REPS2: variants seen among roughly 807,000 people sequenced by gnomAD.
REPS2 encodes the protein ralBP1-associated Eps domain-containing protein 2.
A neutral mutation model predicts 53.6 loss-of-function variants in REPS2; 23 were observed. That is an observed-to-expected ratio of 0.43 (90% CI 0.31 to 0.61). The LOEUF is 0.61. Among genes scored for constraint, REPS2 ranks in the 20% least tolerant of loss-of-function variants. The pLI is 0.11. For synonymous variants in REPS2, 238 were observed against 218.6 expected (o/e 1.09, Z -0.78); for missense variants, 446 against 534.9 (o/e 0.83, Z 1.64).
chrX:16,968,736 G>A (rs1184528080), intron 1 of REPS2, among the ~76,000 whole-genome samples: 5 of 98,401 alleles, frequency 5.1e-5, no homozygotes, highest in South Asian at 5.2e-4. Flanking sequence ...GCGGCCGGCC[G>A]GGCAGAGGGG....
At chrX:17,117,284 A>G (rs968028987) in intron 14 of REPS2, among the ~76,000 whole-genome samples, 4 of 111,440 alleles carry the variant, frequency 3.6e-5, no homozygotes, top group South Asian at 3.8e-4. Flanking sequence ...ATTTTTTATT[A>G]TTATTATACT....
chrX:17,149,113 A>G lies in REPS2; in HGVS notation c.*1632A>G. 1 of 263,815 alleles carries G rather than the reference A, an allele frequency of 3.8e-6. No homozygotes were observed. Among genetic ancestry groups the G allele is most frequent in the East Asian group, 9.5e-5 (1 of 10,535 alleles). 21.7% of individuals were successfully genotyped at this position (263,815 alleles called of 1,213,427 possible). ...ATTTAAGGATTTTGAATTGATTTTGAAAATCATGAAACTTGAACTATTTTT... is the reference window on the plus strand; with the variant it reads ...ATTTAAGGATTTTGAATTGATTTTGGAAATCATGAAACTTGAACTATTTTT... On this transcript the variant is annotated 3_prime_UTR_variant, in exon 18 of 18. Coordinates refer to ENST00000357277, the MANE Select transcript of REPS2 (RefSeq NM_004726.3).
intron 1 of REPS2, among the ~76,000 whole-genome samples, chrX:16,950,216 T>G (rs1052575507): frequency 2.7e-5 from 3 of 111,976 alleles, no homozygotes; most frequent in Non-Finnish European, 5.6e-5. Flanking sequence ...GTTTGGTGGC[T>G]CATTTCTTTA....
At position 16,997,878 on chromosome X, in the gene REPS2, T is replaced by C. The variant is rs182418711; in HGVS notation, c.274-8343T>C. Among the ~76,000 whole-genome samples the C allele has an allele frequency of 1.3e-4, 14 of 111,769 alleles. No individual in the cohort carries two copies. In the East Asian group the frequency reaches 3.9e-3, roughly 31 times the overall value. On this transcript the variant is annotated intron_variant, in intron 1 of 17. Transcript: ENST00000357277. The stretch of plus-strand genomic sequence containing the variant: ...AGTATAGAATTTCTTTGAATTCTCA[T>C]CTTTAAGAACCATGCTCAGCTGGGC...
Position 16,946,753 on chromosome X carries a change from T to TGGCGGCGGCGGCGGTGGCGGCGGCGGC in REPS2, c.-95_-94insTGGCGGCGGCGGCGGCGGCGGCGGCGG, listed in dbSNP as rs2060432880. The TGGCGGCGGCGGCGGTGGCGGCGGCGGC allele has an allele frequency of 1.4e-6, 1 of 713,702 alleles. No homozygotes were observed. Among genetic ancestry groups the TGGCGGCGGCGGCGGTGGCGGCGGCGGC allele is most frequent in the African/African-American group, 2.7e-5 (1 of 37,103 alleles). 58.8% of individuals were successfully genotyped at this position (713,702 alleles called of 1,213,427 possible). ...GGGGTGGTGGTGGCGGCGGCGGTGG[T>TGGCGGCGGCGGCGGTGGCGGCGGCGGC]GGCGGCGGCGGCGGCGGCGGCAGCT... On this transcript the variant is annotated 5_prime_UTR_variant, in exon 1 of 18. Transcript: ENST00000357277.
chrX:17,086,556 A>G (rs111874149), intron 13 of REPS2, among the ~76,000 whole-genome samples: 2,787 of 112,302 alleles, frequency 0.025, 92 homozygotes, highest in African/African-American at 0.087. Flanking sequence ...TTTGGAACAG[A>G]TGCACACAGT....
At chrX:17,129,521 T>C (rs1406809248) in intron 14 of REPS2, among the ~76,000 whole-genome samples, 4 of 111,953 alleles carry the variant, frequency 3.6e-5, no homozygotes, top group African/African-American at 9.7e-5. Context: ...ATTTAGGGGA[T>C]TGATGGTCAG....
the REPS2 span, among the ~76,000 whole-genome samples, chrX:17,166,529 A>T: frequency 8.9e-6 from 1 of 112,552 alleles, no homozygotes; most frequent in African/African-American, 3.2e-5. Flanking sequence ...CATCTGCAGC[A>T]CTTGTAGTCA....
rs2060431237 is a variant in REPS2, at chrX:16,946,732, T to TGGTGGTGGCGGC, written c.-127_-116dup. ...GCGCGGCAGCTGCGGGGCGTGGGGG[T>TGGTGGTGGCGGC]GGTGGTGGCGGCGGCGGTGGTGGCG... On this transcript the variant is annotated 5_prime_UTR_variant, in exon 1 of 18. Coordinates refer to ENST00000357277, the MANE Select transcript of REPS2 (RefSeq NM_004726.3). The TGGTGGTGGCGGC allele has an allele frequency of 1.6e-6, 1 of 612,681 alleles. No homozygotes were observed. The highest frequency in any genetic ancestry group is 1.9e-6 in the Non-Finnish European group (1 of 524,821). The allele number at this position is 612,681 out of a possible 1,213,427, so 50.5% of individuals were successfully genotyped here.
intron 1 of REPS2, among the ~76,000 whole-genome samples, chrX:16,966,771 C>T (rs2060775251): frequency 8.9e-6 from 1 of 112,466 alleles, no homozygotes; most frequent in Non-Finnish European, 1.9e-5. Context: ...CTGTTGGAGT[C>T]AGTATAGATA....
chrX:17,147,196 G>A (rs1326783685), intron 17 of REPS2, among the ~76,000 whole-genome samples: 5 of 111,439 alleles, frequency 4.5e-5, no homozygotes, highest in African/African-American at 9.8e-5. Flanking sequence ...ATTTCATCAC[G>A]TTCAGAAAGG....
intron 14 of REPS2, among the ~76,000 whole-genome samples, chrX:17,117,266 T>G (rs1275209808): frequency 8.9e-6 from 1 of 111,908 alleles, no homozygotes; most frequent in Non-Finnish European, 1.9e-5. Flanking sequence ...GGACATTTAT[T>G]TATTTTTATT....
chrX:17,051,599 A>G (rs1315115560), intron 6 of REPS2, among the ~76,000 whole-genome samples: 1 of 112,404 alleles, frequency 8.9e-6, no homozygotes, highest in Non-Finnish European at 1.9e-5. Context: ...GTTGATAGGC[A>G]TATGGTGTTC....
At chrX:16,973,347 A>G (rs989152663) in intron 1 of REPS2, among the ~76,000 whole-genome samples, 23 of 111,660 alleles carry the variant, frequency 2.1e-4, no homozygotes, top group East Asian at 8.3e-4. Context: ...GACTAGGCAG[A>G]TATCCTATTT....
At chrX:17,056,096 T>C (rs1313669972) in intron 8 of REPS2, among the ~76,000 whole-genome samples, 1 of 112,523 alleles carries the variant, frequency 8.9e-6, no homozygotes, top group African/African-American at 3.2e-5. Flanking sequence ...TATTTACAGT[T>C]ATTGTTCTTT....
At chrX:17,124,343 T>A (rs1263650930) in intron 14 of REPS2, among the ~76,000 whole-genome samples, 1 of 112,433 alleles carries the variant, frequency 8.9e-6, no homozygotes, top group Non-Finnish European at 1.9e-5. Flanking sequence ...GCAAGACAGA[T>A]CCTGCCCTCC....
intron 1 of REPS2, among the ~76,000 whole-genome samples, chrX:16,990,136 T>C (rs2061144147): frequency 1.8e-5 from 2 of 112,217 alleles, no homozygotes; most frequent in Non-Finnish European, 3.8e-5. Flanking sequence ...CATGCAATGA[T>C]CTGGATGGAT....
chrX:17,119,384 C>G (rs1490467062), intron 14 of REPS2, among the ~76,000 whole-genome samples: 1 of 112,398 alleles, frequency 8.9e-6, no homozygotes, highest in Admixed American at 9.4e-5. Flanking sequence ...GACTTGTTTT[C>G]TTTCTTAGGT....
At chrX:16,964,558 C>T (rs1297848699) in intron 1 of REPS2, among the ~76,000 whole-genome samples, 14 of 110,227 alleles carry the variant, frequency 1.3e-4, no homozygotes, top group Non-Finnish European at 1.9e-4. Context: ...ACCTCCCAGA[C>T]GGGGTGGTGG....
Sources: allele counts gnomAD v4.1 joint callset (sites outside exome capture counted in the v4.1 genomes callset), GRCh38; gene constraint gnomAD v4.1.1; transcripts MANE v1.5; gene names NCBI Gene and HGNC (gene_info 2026-07-23, HGNC 2026-07-21).